Variants in WDR93 observed in about 807,000 individuals in gnomAD.
WDR93 encodes the protein WD repeat domain 93.
WDR93 carries 73 observed loss-of-function variants against 82.9 expected under a neutral mutation model. That is an observed-to-expected ratio of 0.88 (90% CI 0.73 to 1.07). The LOEUF is 1.07. Ranked by LOEUF, WDR93 falls within the 50% of genes least tolerant of loss-of-function variation. The pLI is 0.00. For missense variants in WDR93, 738 were observed against 826.0 expected (o/e 0.89, Z 1.31); for synonymous variants, 283 against 300.1 (o/e 0.94, Z 0.59).
intron 14 of WDR93, among the ~76,000 whole-genome samples, chr15:89,736,205 C>G (rs993755541): frequency 6.6e-6 from 1 of 152,210 alleles, no homozygotes; most frequent in Admixed American, 6.5e-5. Flanking sequence ...TTCTTCACTA[C>G]CTGTGGCTGT....
intron 6 of WDR93, among the ~76,000 whole-genome samples, chr15:89,716,339 A>G (rs1966253391): frequency 6.6e-6 from 1 of 152,244 alleles, no homozygotes; most frequent in Admixed American, 6.5e-5. Context: ...GATTGTTAAG[A>G]TCATACCTTC....
At chr15:89,712,396 C>CTTTTTTTTTTTTTTTTTTTTTTTT (rs1170109589) in intron 5 of WDR93, among the ~76,000 whole-genome samples, 3 of 80,534 alleles carry the variant, frequency 3.7e-5, no homozygotes, top group Admixed American at 1.6e-4. Context: ...TTCCACTAAT[C>CTTTTTTTTTTTTTTTTTTTTTTTT]TTTTTTTTTT....
intron 11 of WDR93, among the ~76,000 whole-genome samples, chr15:89,730,962 A>T (rs1966854133): frequency 6.6e-6 from 1 of 152,196 alleles, no homozygotes; most frequent in Non-Finnish European, 1.5e-5. Context: ...CACTTGTTAT[A>T]CTTTATATTA....
At chr15:89,729,869 C>A in intron 11 of WDR93, 100 bp downstream of exon 11, 1 of 994,924 alleles carries the variant, frequency 1.0e-6, no homozygotes, top group Non-Finnish European at 1.5e-6. Context: ...CATCAAGTGT[C>A]ACTTTAGGGA....
chr15:89,706,066 A>T (rs1048484305), intron 4 of WDR93, among the ~76,000 whole-genome samples: 7 of 152,068 alleles, frequency 4.6e-5, no homozygotes, highest in African/African-American at 1.7e-4. Flanking sequence ...ACTTTCCCTT[A>T]TATACCCAAG....
At chr15:89,723,102 A>G (rs766757450) in intron 8 of WDR93, among the ~76,000 whole-genome samples, 7 of 152,020 alleles carry the variant, frequency 4.6e-5, no homozygotes, top group Non-Finnish European at 7.4e-5. Flanking sequence ...TTGGGAGGCT[A>G]AGGCAGTAGA....
chr15:89,729,224 G>T, intron 10 of WDR93, 131 bp downstream of exon 10: 1 of 809,074 alleles, frequency 1.2e-6, no homozygotes, highest in East Asian at 2.5e-5. Flanking sequence ...GAGTTTGGTT[G>T]CCAGCTGTAG....
intron 16 of WDR93, among the ~76,000 whole-genome samples, chr15:89,739,950 C>T (rs1045720858): frequency 7.2e-5 from 11 of 152,186 alleles, no homozygotes; most frequent in Non-Finnish European, 1.2e-4. Flanking sequence ...TGGAGCCAAA[C>T]AGACCTGAGT....
Position 89,712,110 on chromosome 15 carries a change from AT to A in WDR93, c.640+8del. On this transcript the variant is annotated splice_region_variant and intron_variant, in intron 5 of 16. Coordinates refer to ENST00000268130, the MANE Select transcript of WDR93 (RefSeq NM_020212.2). Reference sequence around the variant, plus strand: ...TGCAGCCTTCCTCCTACAAGGCAAGATTAACCAAAGACTGTTAAGGTTCAAA... The same window carrying A: ...TGCAGCCTTCCTCCTACAAGGCAAGATAACCAAAGACTGTTAAGGTTCAAA... The A allele has an allele frequency of 6.2e-7, 1 of 1,610,694 alleles. No individual in the cohort carries two copies. Among genetic ancestry groups the A allele is most frequent in the Non-Finnish European group, 8.5e-7 (1 of 1,177,926 alleles).
intron 4 of WDR93, among the ~76,000 whole-genome samples, chr15:89,708,401 T>A (rs1965817676): frequency 6.6e-6 from 1 of 151,926 alleles, no homozygotes; most frequent in African/African-American, 2.4e-5. Flanking sequence ...CTAGTGACAG[T>A]CACACCCTGG....
rs1966166965 is a variant in WDR93 at position 89,714,794 on chromosome 15, T to C, written c.641-186T>C. Among the ~76,000 whole-genome samples the C allele has an allele frequency of 2.0e-5, 3 of 152,162 alleles. No individual in the cohort carries two copies. In the South Asian group the frequency reaches 6.2e-4, roughly 32 times the overall value. ...AGGGGATAACTCTCCATGGGAAAGT[T>C]ATGTGGGGCATGAGGACTTGCAATA... is the stretch of plus-strand genomic sequence containing the variant. On this transcript the variant is annotated intron_variant, in intron 5 of 16. Coordinates refer to ENST00000268130, the MANE Select transcript of WDR93 (RefSeq NM_020212.2).
chr15:89,727,086 G>A (rs1200144062), intron 8 of WDR93, 71 bp from the exon 9 acceptor site: 3 of 1,527,442 alleles, frequency 2.0e-6, no homozygotes, highest in Non-Finnish European at 2.7e-6. Flanking sequence ...GGGAAGAGTG[G>A]AAGAAGTAGG....
intron 1 of WDR93, among the ~76,000 whole-genome samples, chr15:89,694,923 T>C (rs1183634811): frequency 6.6e-6 from 1 of 152,252 alleles, no homozygotes; most frequent in Non-Finnish European, 1.5e-5. Flanking sequence ...CAGCATTATT[T>C]GCTGAAAAGA....
intron 4 of WDR93, among the ~76,000 whole-genome samples, chr15:89,709,819 A>G (rs968783395): frequency 2.6e-5 from 4 of 152,048 alleles, no homozygotes; most frequent in Non-Finnish European, 5.9e-5. Flanking sequence ...TTTGTTCACA[A>G]AAAGATTTGT....
chr15:89,742,825 G>A (rs563263759), intron 16 of WDR93, among the ~76,000 whole-genome samples: 11 of 152,260 alleles, frequency 7.2e-5, no homozygotes, highest in Admixed American at 3.3e-4. Context: ...GAGCCACCGC[G>A]CCTGGCCAAC....
At chr15:89,718,055 A>G (rs1425470263) in intron 7 of WDR93, among the ~76,000 whole-genome samples, 1 of 152,138 alleles carries the variant, frequency 6.6e-6, no homozygotes, top group African/African-American at 2.4e-5. Flanking sequence ...TCAAAGTTAC[A>G]TTAGGCCAGG....
intron 16 of WDR93, among the ~76,000 whole-genome samples, chr15:89,738,732 A>G (rs769368381): frequency 1.2e-4 from 19 of 152,114 alleles, no homozygotes; most frequent in Non-Finnish European, 2.4e-4. Flanking sequence ...AAAAAGAGTC[A>G]TTAATTCAGG....
At chr15:89,703,260 T>A in intron 3 of WDR93, 118 bp downstream of exon 3, 1 of 1,015,232 alleles carries the variant, frequency 9.8e-7, no homozygotes, top group Non-Finnish European at 1.5e-6. Context: ...CCTGGTCATG[T>A]AATAGTAACT....
chr15:89,714,095 T>C (rs1012480466), intron 5 of WDR93: 2 of 152,202 alleles, frequency 1.3e-5, no homozygotes, highest in Non-Finnish European at 2.9e-5. Flanking sequence ...TCTCCTCAAA[T>C]ATTGGTCAGA....
Sources: allele counts gnomAD v4.1 joint callset (sites outside exome capture counted in the v4.1 genomes callset), GRCh38; gene constraint gnomAD v4.1.1; transcripts MANE v1.5; gene names NCBI Gene and HGNC (gene_info 2026-07-23, HGNC 2026-07-21).